The following NBAS variants were observed in gnomAD, a reference collection of about 807,000 sequenced individuals.
The protein encoded by NBAS is NBAS subunit of NRZ tethering complex, also known as NAG/BC035112 fusion.
Under a neutral mutation model 302.5 loss-of-function variants are expected in NBAS, and 219 were observed. That is an observed-to-expected ratio of 0.72 (90% CI 0.65 to 0.81). NBAS has a LOEUF of 0.81. Among genes scored for constraint, NBAS ranks in the 30% least tolerant of loss-of-function variants. NBAS has a pLI of 0.00. For missense variants in NBAS, 2,932 were observed against 2,841.6 expected, an observed-to-expected ratio of 1.03 and a Z score of -0.72; for synonymous variants, 1,118 against 1,021.6, an observed-to-expected ratio of 1.09 and a Z score of -1.80.
At chr2:15,047,610 T>C in the NBAS span, among the ~76,000 whole-genome samples, 1 of 150,596 alleles carries the variant, frequency 6.6e-6, no homozygotes, top group African/African-American at 2.5e-5. Flanking sequence ...GCTGGACCCA[T>C]GCAGATGAAG....
chr2:15,092,166 T>C, the NBAS span, among the ~76,000 whole-genome samples: 1 of 152,288 alleles, frequency 6.6e-6, no homozygotes, highest in South Asian at 2.1e-4. Flanking sequence ...ACTTCAATTG[T>C]CTATTAGTAA....
At chr2:15,310,574 T>C (rs1027201662) in intron 38 of NBAS, among the ~76,000 whole-genome samples, 2 of 152,320 alleles carry the variant, frequency 1.3e-5, no homozygotes, top group Non-Finnish European at 2.9e-5. Flanking sequence ...AAACAAATAA[T>C]GTAAAATGTA....
chr2:14,985,471 T>G, the NBAS span, among the ~76,000 whole-genome samples: 9 of 152,324 alleles, frequency 5.9e-5, no homozygotes, highest in East Asian at 1.4e-3. Flanking sequence ...AAGCTTCTAG[T>G]GACAGTAAAG....
the NBAS span, among the ~76,000 whole-genome samples, chr2:14,984,916 C>T: frequency 3.9e-5 from 6 of 152,228 alleles, no homozygotes; most frequent in African/African-American, 1.4e-4. Flanking sequence ...AGGTGTTAGA[C>T]CCTACGAGCA....
chr2:15,496,355 A>G (rs1350756975), intron 11 of NBAS, among the ~76,000 whole-genome samples: 2 of 152,092 alleles, frequency 1.3e-5, no homozygotes, highest in African/African-American at 4.8e-5. Context: ...TAATTAAGGG[A>G]TGCAGGGTTT....
chr2:15,287,650 C>T (rs1670108501), intron 41 of NBAS, among the ~76,000 whole-genome samples: 1 of 148,948 alleles, frequency 6.7e-6, no homozygotes, highest in South Asian at 2.2e-4. Flanking sequence ...CTGTAGGCAC[C>T]CCGAGCACCA....
intron 25 of NBAS, among the ~76,000 whole-genome samples, chr2:15,412,431 A>G (rs1368108447): frequency 6.6e-6 from 1 of 152,186 alleles, no homozygotes; most frequent in Non-Finnish European, 1.5e-5. Flanking sequence ...ACCACAGCTG[A>G]CGTTTGACAC....
rs948570975 is a variant in NBAS, at chr2:15,383,507, G to A, written c.3258-190C>T. Among the ~76,000 whole-genome samples the A allele has an allele frequency of 3.9e-5, 6 of 152,300 alleles. No homozygotes were observed. In the East Asian group the frequency reaches 1.2e-3, roughly 29 times the overall value. On this transcript the variant is annotated intron_variant, in intron 28 of 51. Transcript: ENST00000281513. ...AAACACTTGGATTAAAGATAGAGGG[G>A]AAAGTTGGGCAGCTATGCATCACTG...
intron 33 of NBAS, among the ~76,000 whole-genome samples, chr2:15,355,097 T>G (rs1673549729): frequency 6.6e-6 from 1 of 152,202 alleles, no homozygotes; most frequent in Non-Finnish European, 1.5e-5. Context: ...TATTAACAAG[T>G]GTCAGAATAA....
At chr2:15,341,143 T>C in intron 35 of NBAS, among the ~76,000 whole-genome samples, 1 of 152,114 alleles carries the variant, frequency 6.6e-6, no homozygotes. Context: ...TCCAGTGCTT[T>C]AGGAGGCCGA....
chr2:15,339,261 AT>A (rs1342833039), intron 35 of NBAS, among the ~76,000 whole-genome samples: 1 of 152,144 alleles, frequency 6.6e-6, no homozygotes, highest in Non-Finnish European at 1.5e-5. Flanking sequence ...CATGCCTACT[AT>A]GTTTAAGACC....
chr2:15,033,044 G>A, the NBAS span, among the ~76,000 whole-genome samples: 3 of 152,172 alleles, frequency 2.0e-5, no homozygotes, highest in Non-Finnish European at 4.4e-5. Context: ...GCAGAACCCT[G>A]GGGGCAGGAT....
At chr2:15,025,486 C>T in the NBAS span, among the ~76,000 whole-genome samples, 1 of 152,100 alleles carries the variant, frequency 6.6e-6, no homozygotes, top group African/African-American at 2.4e-5. Flanking sequence ...ATAGTTTTTT[C>T]TAGTTCTGTG....
At chr2:15,046,378 A>T in the NBAS span, among the ~76,000 whole-genome samples, 5 of 152,336 alleles carry the variant, frequency 3.3e-5, no homozygotes, top group South Asian at 1.0e-3. Context: ...AAAATCTCTC[A>T]ATATATATCA....
chr2:15,241,646 A>G (rs1667871354), intron 44 of NBAS, among the ~76,000 whole-genome samples: 1 of 152,224 alleles, frequency 6.6e-6, no homozygotes, highest in African/African-American at 2.4e-5. Flanking sequence ...TATGTAAAAC[A>G]GTCAGCACAG....
chr2:15,033,973 A>AAAGAGG, the NBAS span, among the ~76,000 whole-genome samples: 3 of 93,472 alleles, frequency 3.2e-5, no homozygotes, highest in African/African-American at 7.3e-5. Flanking sequence ...AAGAGGAAGA[A>AAAGAGG]AAGAGGAAGA....
chr2:15,288,693 A>G, intron 41 of NBAS, among the ~76,000 whole-genome samples: 1 of 152,232 alleles, frequency 6.6e-6, no homozygotes, highest in East Asian at 1.9e-4. Context: ...TTTCCAGAAG[A>G]GAAACGTAGG....
intron 1 of NBAS, among the ~76,000 whole-genome samples, chr2:15,559,630 G>A (rs1664817078): frequency 6.6e-6 from 1 of 152,184 alleles, no homozygotes; most frequent in Non-Finnish European, 1.5e-5. Context: ...ATATAAAGAT[G>A]AATCAGATGT....
chr2:15,475,945 A>G (rs1205801003), intron 13 of NBAS, 65 bp from the exon 14 acceptor site: 39 of 1,278,424 alleles, frequency 3.1e-5, no homozygotes, highest in Non-Finnish European at 4.0e-5. Context: ...CAAAATATTT[A>G]GTATAATAAT....
Sources: gnomAD v4.1 joint callset for allele counts (sites outside exome capture counted in the v4.1 genomes callset) on GRCh38, gnomAD v4.1.1 for gene constraint, MANE v1.5 for transcripts, NCBI Gene and HGNC (gene_info 2026-07-23, HGNC 2026-07-21) for gene names.